Variants in ABCA9 observed in about 807,000 individuals in gnomAD.
ABCA9 encodes ATP binding cassette subfamily A member 9.
ABCA9 carries 183 observed loss-of-function variants against 205.3 expected under a neutral mutation model. The ratio of observed to expected loss-of-function variants is 0.89; its 90% CI spans 0.79 to 1.01. The LOEUF (loss-of-function observed/expected upper bound fraction) is 1.01. Ranked by LOEUF, ABCA9 falls within the 50% of genes least tolerant of loss-of-function variation. ABCA9 has a pLI of 0.00. For synonymous variants in ABCA9, 651 were observed against 683.3 expected (o/e 0.95, Z 0.74); for missense variants, 1,805 against 1,912.4 (o/e 0.94, Z 1.05).
chr17:68,983,881 G>GA, intron 35 of ABCA9, 32 bp from the exon 36 acceptor site: 2 of 1,613,508 alleles, frequency 1.2e-6, no homozygotes, highest in South Asian at 1.1e-5. Flanking sequence ...AGTCAAGCAA[G>GA]AAAAGAGAAA....
At chr17:69,027,472 G>C in intron 13 of ABCA9, 23 bp from the exon 14 acceptor site, 1 of 1,587,508 alleles carries the variant, frequency 6.3e-7, no homozygotes, top group East Asian at 2.2e-5. Flanking sequence ...AGAATATTTA[G>C]TCCAAAACCC....
chr17:69,001,702 C>T (rs1264912936), intron 25 of ABCA9, among the ~76,000 whole-genome samples: 10 of 149,158 alleles, frequency 6.7e-5, no homozygotes, highest in African/African-American at 2.2e-4. Context: ...GTACCAGTTC[C>T]TCCTTGTACC....
Position 69,045,293 on chromosome 17 carries a change from T to C in ABCA9, c.348A>G (p.Glu116=), listed in dbSNP as rs2071674399. 6.2e-7 allele frequency: 1 copy of C among 1,612,194 alleles called. No homozygotes were observed. The highest frequency in any genetic ancestry group is 8.5e-7 in the Non-Finnish European group (1 of 1,179,044). Residue 116 remains glutamate, a synonymous_variant, in exon 4 of 39, where the codon GAA becomes GAG. Transcript: ENST00000340001. ...MGWPDEKSMD[E]LDLNYSIDAV... The stretch of plus-strand genomic sequence containing the variant: ...CGTCTATTGAATAGTTCAAATCCAA[T>C]TCATCCATGCTTTTTTCATCAGGCC...
At chr17:69,049,511 A>G in intron 2 of ABCA9, 21 bp from the exon 3 acceptor site, 1 of 1,566,338 alleles carries the variant, frequency 6.4e-7, no homozygotes, top group South Asian at 1.1e-5. Flanking sequence ...ATAAGAGAAA[A>G]AGGAAACAAA....
rs372952180 is a variant in ABCA9 at position 68,982,597 on chromosome 17, C to T, written c.4685G>A (p.Arg1562Gln). 177 of 1,613,930 alleles carry T rather than the reference C, an allele frequency of 1.1e-4. No homozygotes were observed. The highest frequency in any genetic ancestry group is 4.9e-4 in the Middle Eastern group (3 of 6,084). Residue 1562 changes from arginine (R) to glutamine (Q), a missense_variant, in exon 37 of 39, where the codon CGA (arginine) becomes CAA (glutamine). Arg to Gln is a conservative substitution (Grantham distance 43, BLOSUM62 1). Coordinates refer to ENST00000340001, the MANE Select transcript of ABCA9 (RefSeq NM_080283.4). ...MVYKLPVEDV[R>Q]PLSQAFFKLE... ...TTTGAAGAAAGCCTGTGATAAAGGTCGCACATCCTCAACAGGCAACTTATA... is the reference window on the plus strand; with the variant it reads ...TTTGAAGAAAGCCTGTGATAAAGGTTGCACATCCTCAACAGGCAACTTATA...
chr17:69,017,831 A>C, intron 20 of ABCA9, 42 bp from the exon 21 acceptor site: 2 of 1,587,294 alleles, frequency 1.3e-6, no homozygotes, highest in Non-Finnish European at 1.7e-6. Context: ...AATGAAATAA[A>C]ACAATAGTCA....
the ABCA9 span, among the ~76,000 whole-genome samples, chr17:69,074,664 A>G: frequency 3.9e-5 from 6 of 152,124 alleles, no homozygotes; most frequent in East Asian, 5.8e-4. Context: ...ACTGACGGGC[A>G]TCTCGGTTGA....
At chr17:69,020,759 G>T (rs544493807) in intron 18 of ABCA9, 173 bp from the exon 19 acceptor site, 10 of 563,132 alleles carry the variant, frequency 1.8e-5, no homozygotes, top group Admixed American at 3.5e-5. Flanking sequence ...GAAAGAAGCA[G>T]AAAGTATTGA....
rs1014280811 is a variant in ABCA9 at position 68,984,252 on chromosome 17, C to T, written c.4380-77G>A. The T allele has an allele frequency of 5.1e-6, 8 of 1,565,632 alleles. No homozygotes were observed. In the Admixed American group the frequency reaches 7.4e-5, roughly 14 times the overall value. On this transcript the variant is annotated intron_variant, in intron 34 of 38. Coordinates refer to ENST00000340001, the MANE Select transcript of ABCA9 (RefSeq NM_080283.4). ...TGGAATTTTAAAAAGAAGTTTCCAT[C>T]GACGCAAAGATGAAACATGCAGCGA...
chr17:69,010,574 C>T (rs1474534698), intron 23 of ABCA9, among the ~76,000 whole-genome samples: 1 of 151,906 alleles, frequency 6.6e-6, no homozygotes, highest in African/African-American at 2.4e-5. Flanking sequence ...GAGAAACTGC[C>T]GGGGTTGTTA....
the ABCA9 span, among the ~76,000 whole-genome samples, chr17:69,072,198 C>T: frequency 6.6e-6 from 1 of 152,134 alleles, no homozygotes; most frequent in Non-Finnish European, 1.5e-5. Flanking sequence ...GAGAACTTCA[C>T]CAATCTAGCA....
chr17:69,055,552 C>T (rs930688314), intron 1 of ABCA9, among the ~76,000 whole-genome samples: 1 of 152,134 alleles, frequency 6.6e-6, no homozygotes, highest in Non-Finnish European at 1.5e-5. Flanking sequence ...CAGATGAATC[C>T]ACTCTTATAG....
rs1353476788 is a variant in ABCA9, at chr17:69,023,695, A to G, written c.2281+519T>C. 2.0e-5 allele frequency among the ~76,000 whole-genome samples: 3 copies of G among 152,226 alleles called. No homozygotes were observed. Among genetic ancestry groups the G allele is most frequent in the Non-Finnish European group, 4.4e-5 (3 of 68,024 alleles). Reference sequence around the variant, plus strand: ...ACCATAGAAAAGTAATAACACCAGTAGTTCTCCAAGCTTCTGTGTTTGCAG... The same window carrying G: ...ACCATAGAAAAGTAATAACACCAGTGGTTCTCCAAGCTTCTGTGTTTGCAG... On this transcript the variant is annotated intron_variant, in intron 17 of 38. Coordinates refer to ENST00000340001, the MANE Select transcript of ABCA9 (RefSeq NM_080283.4). The surrounding 1 kb of genome is among the most constrained non-coding windows in gnomAD (Gnocchi z 4.2).
chr17:69,037,374 C>T (rs2071382189), intron 6 of ABCA9, among the ~76,000 whole-genome samples: 1 of 152,144 alleles, frequency 6.6e-6, no homozygotes, highest in Admixed American at 6.5e-5. Flanking sequence ...TTTCTCAGAC[C>T]ACAGTGCAAT....
intron 1 of ABCA9, among the ~76,000 whole-genome samples, chr17:69,055,048 A>C (rs960343890): frequency 6.6e-6 from 1 of 152,212 alleles, no homozygotes; most frequent in Non-Finnish European, 1.5e-5. Flanking sequence ...CTCAATTAAA[A>C]CCACAAAAGG....
At chr17:69,042,930 T>A (rs73370066) in intron 6 of ABCA9, 1 of 152,470 alleles carries the variant, frequency 6.6e-6, no homozygotes, top group Non-Finnish European at 1.5e-5. Context: ...GGATGATGCA[T>A]GTGGATTACA....
chr17:68,988,993 C>T, intron 31 of ABCA9, 34 bp downstream of exon 31: 4 of 1,301,676 alleles, frequency 3.1e-6, no homozygotes, highest in Non-Finnish European at 4.4e-6. Flanking sequence ...TTGTAGGTAG[C>T]ACTAATGACC....
At chr17:69,001,572 A>C (rs1205899059) in intron 25 of ABCA9, among the ~76,000 whole-genome samples, 1 of 151,602 alleles carries the variant, frequency 6.6e-6, no homozygotes, top group East Asian at 1.9e-4. Context: ...ATTGGTCTAA[A>C]ATTCTCTTTT....
At chr17:69,071,625 C>T in the ABCA9 span, among the ~76,000 whole-genome samples, 37 of 152,256 alleles carry the variant, frequency 2.4e-4, no homozygotes, top group African/African-American at 7.9e-4. Flanking sequence ...GATAAATCCA[C>T]GAAGATGAGG....
Sources: allele counts gnomAD v4.1 joint callset (sites outside exome capture counted in the v4.1 genomes callset), GRCh38; gene constraint gnomAD v4.1.1; non-coding constraint Gnocchi (gnomAD v3.1); transcripts MANE v1.5; gene names NCBI Gene and HGNC (gene_info 2026-07-23, HGNC 2026-07-21).